The following CCNJ variants were observed in gnomAD, a reference collection of about 807,000 sequenced individuals.
CCNJ encodes cyclin J.
In CCNJ, 12 loss-of-function variants were observed where a neutral mutation model predicts 41.4. That is an observed-to-expected ratio of 0.29 (90% CI 0.19 to 0.47). CCNJ has a LOEUF of 0.47. Ranked by LOEUF, CCNJ falls within the 20% of genes least tolerant of loss-of-function variation. The pLI is 1.00. For synonymous variants in CCNJ, 161 were observed against 173.4 expected (o/e 0.93, Z 0.56); for missense variants, 340 against 464.6 (o/e 0.73, Z 2.47).
chr10:96,043,079 G>A (rs1208235959), upstream of CCNJ, among the ~76,000 whole-genome samples: 11 of 152,180 alleles, frequency 7.2e-5, no homozygotes, highest in Non-Finnish European at 1.5e-4. Flanking sequence ...CATTTGGAGG[G>A]CCTGATGATC....
intron 3 of CCNJ, among the ~76,000 whole-genome samples, 193 bp from the exon 4 acceptor site, chr10:96,056,508 T>C (rs1387231329): frequency 6.6e-6 from 1 of 151,980 alleles, no homozygotes; most frequent in African/African-American, 2.4e-5. Flanking sequence ...TTTTAGGGGA[T>C]TGGGGAAAGG....
In CCNJ at chr10:96,058,284, T is replaced by C; in HGVS notation, c.*43T>C. 1.3e-6 allele frequency: 2 copies of C among 1,542,344 alleles called. No individual in the cohort carries two copies. The highest frequency in any genetic ancestry group is 1.7e-4 in the Middle Eastern group (1 of 5,854). ...AACCGACCCAGACTGCTTTGTGACA[T>C]GAAGCTATGGGTAAGCGTTTTGTAA... On this transcript the variant is annotated 3_prime_UTR_variant, in exon 6 of 6. Coordinates refer to ENST00000465148, the MANE Select transcript of CCNJ (RefSeq NM_001134375.2).
intron 2 of CCNJ, 113 bp from the exon 3 acceptor site, chr10:96,050,143 G>C (rs2080483007): frequency 5.3e-6 from 4 of 753,924 alleles, no homozygotes; most frequent in South Asian, 1.8e-5. Flanking sequence ...GTCAAGAAAA[G>C]TATGTTTTAG....
At position 96,044,828 on chromosome 10, in the gene CCNJ, C is replaced by A. The variant is rs773606370; in HGVS notation, c.69+366C>A. Among the ~76,000 whole-genome samples, 5 of 152,144 alleles carry A rather than the reference C, an allele frequency of 3.3e-5. No homozygotes were observed. The South Asian group carries it at 8.3e-4, about 25-fold the overall frequency. ...GCCGTTGCATGCAGCCAGTTTAAGT[C>A]GCTTTTGTACATAAATTCCTCAGCC... is the stretch of plus-strand genomic sequence containing the variant. On this transcript the variant is annotated intron_variant, in intron 2 of 5. Transcript: ENST00000465148.
chr10:96,057,389 C>A, intron 5 of CCNJ, 142 bp downstream of exon 5: 2 of 692,410 alleles, frequency 2.9e-6, no homozygotes, highest in Non-Finnish European at 5.0e-6. Context: ...CATGAGCAAG[C>A]CCATGTATGA....
chr10:96,043,564 A>C (rs888050472), upstream of CCNJ: 1 of 394,690 alleles, frequency 2.5e-6, no homozygotes, highest in Non-Finnish European at 4.5e-6. Context: ...TTGTATGCGG[A>C]GCCGCCTGCC....
intron 2 of CCNJ, among the ~76,000 whole-genome samples, chr10:96,049,739 G>A (rs1424891427): frequency 2.0e-5 from 3 of 152,080 alleles, no homozygotes; most frequent in Non-Finnish European, 4.4e-5. Flanking sequence ...AGGATGATGG[G>A]AAAGGGCAGA....
chr10:96,053,342 T>C (rs913790480), intron 3 of CCNJ, among the ~76,000 whole-genome samples: 2 of 152,174 alleles, frequency 1.3e-5, no homozygotes, highest in African/African-American at 4.8e-5. Context: ...CCTTACAAAG[T>C]TGTTCTGGGA....
intron 3 of CCNJ, among the ~76,000 whole-genome samples, chr10:96,053,719 G>T (rs1251874581): frequency 6.6e-6 from 1 of 152,166 alleles, no homozygotes; most frequent in African/African-American, 2.4e-5. Context: ...GTAACAATTT[G>T]TAACAAGTGC....
intron 3 of CCNJ, among the ~76,000 whole-genome samples, chr10:96,053,551 C>G (rs2080592045): frequency 6.6e-6 from 1 of 152,120 alleles, no homozygotes; most frequent in African/African-American, 2.4e-5. Flanking sequence ...CATGTATGCC[C>G]TGGCTTCCCT....
intron 3 of CCNJ, among the ~76,000 whole-genome samples, chr10:96,056,169 C>T (rs538579059): frequency 7.9e-5 from 12 of 152,100 alleles, no homozygotes; most frequent in South Asian, 4.2e-4. Flanking sequence ...ATTAGCCAGG[C>T]GTGGTGGCGG....
chr10:96,050,185 A>G, intron 2 of CCNJ, 71 bp from the exon 3 acceptor site: 2 of 1,005,144 alleles, frequency 2.0e-6, no homozygotes, highest in Non-Finnish European at 3.2e-6. Flanking sequence ...TGGAAAAACA[A>G]TGTTAAGTCA....
At chr10:96,044,568 G>A (rs1226200509) in intron 2 of CCNJ, 106 bp downstream of exon 2, 12 of 897,542 alleles carry the variant, frequency 1.3e-5, no homozygotes, top group Non-Finnish European at 1.8e-5. Flanking sequence ...ACTATCTTCC[G>A]GGCCAGAAAA....
Position 96,058,454 on chromosome 10 carries a change from T to C in CCNJ, c.*213T>C. On this transcript the variant is annotated 3_prime_UTR_variant, in exon 6 of 6. Coordinates refer to ENST00000465148, the MANE Select transcript of CCNJ (RefSeq NM_001134375.2). ...GTATGTCAAATTCTGTTACAACAAA[T>C]CCCTGTATGACAAAAATGTTCAAGT... 1 of 525,398 alleles carries C rather than the reference T, an allele frequency of 1.9e-6. No individual in the cohort carries two copies. 32.5% of individuals were successfully genotyped at this position (525,398 alleles called of 1,614,324 possible).
chr10:96,057,902 T>G lies in CCNJ; in HGVS notation c.813T>G (p.Ser271Arg), dbSNP rs375670239. The G allele has an allele frequency of 6.2e-7, 1 of 1,614,016 alleles. No individual in the cohort carries two copies. Among genetic ancestry groups the G allele is most frequent in the African/African-American group, 1.3e-5 (1 of 74,886 alleles). The change falls in exon 6 of 6, where the codon AGT (serine) becomes AGG (arginine). Residue 271 changes from serine to arginine, a missense_variant. Around this residue, in one of 3 missense-constraint regions of CCNJ, gnomAD observed 159 missense variants for 168.2 expected, o/e 0.95. Coordinates refer to ENST00000465148, the MANE Select transcript of CCNJ (RefSeq NM_001134375.2). ...CAGGACCTCAGTCAGCGCAACTAAG[T>G]GTATTCCAGACAGCCTCCCAGCCAT... ...GQAGPQSAQL[S>R]VFQTASQPSR...
At chr10:96,044,311 C>T in intron 1 of CCNJ, 42 bp from the exon 2 acceptor site, 2 of 1,159,606 alleles carry the variant, frequency 1.7e-6, no homozygotes, top group Non-Finnish European at 1.1e-6. Flanking sequence ...CAGAGGGTCG[C>T]GGGGGAGCCG....
rs941123833 is a variant in CCNJ at position 96,059,743 on chromosome 10, T to C, written c.*1502T>C. 6.6e-6 allele frequency: 1 copy of C among 152,556 alleles called. No individual in the cohort carries two copies. The highest frequency in any genetic ancestry group is 2.4e-5 in the African/African-American group (1 of 41,414). 9.5% of individuals were successfully genotyped at this position (152,556 alleles called of 1,614,324 possible). ...ATATGCATCGAAGACAAACTTACTA[T>C]AAAGATGTTGTGGGTATGCAGCAGG... On this transcript the variant is annotated 3_prime_UTR_variant, in exon 6 of 6. Coordinates refer to ENST00000465148, the MANE Select transcript of CCNJ (RefSeq NM_001134375.2).
At chr10:96,043,481 G>C (rs1357687119), upstream of CCNJ, 7 of 387,408 alleles carry the variant, frequency 1.8e-5, no homozygotes, top group Non-Finnish European at 3.2e-5. Context: ...CCAATTGGAC[G>C]GCTCGGGGCG....
chr10:96,046,520 TATC>T (rs769413382), intron 2 of CCNJ, among the ~76,000 whole-genome samples: 13 of 152,370 alleles, frequency 8.5e-5, no homozygotes, highest in African/African-American at 3.1e-4. Context: ...ACATACATGA[TATC>T]ATGCCAGGTG....
Sources: gnomAD v4.1 joint callset for allele counts (sites outside exome capture counted in the v4.1 genomes callset) on GRCh38, gnomAD v4.1.1 for gene constraint, gnomAD v4.1.1 regional missense constraint, MANE v1.5 for transcripts, NCBI Gene and HGNC (gene_info 2026-07-23, HGNC 2026-07-21) for gene names.